PIGR: variants seen among roughly 807,000 people sequenced by gnomAD.
PIGR encodes the protein hepatocellular carcinoma associated protein TB6.
A neutral mutation model predicts 69.5 loss-of-function variants in PIGR; 22 were observed. The observed-to-expected ratio is 0.32, with a 90% confidence interval of 0.23 to 0.45. PIGR has a LOEUF of 0.45. Ranked by LOEUF, PIGR falls within the 20% of genes least tolerant of loss-of-function variation. The pLI, the probability that PIGR is intolerant of heterozygous loss-of-function variation, is 1.00. For missense variants in PIGR, 885 were observed against 974.0 expected, an observed-to-expected ratio of 0.91 and a Z score of 1.22; for synonymous variants, 413 against 407.6, an observed-to-expected ratio of 1.01 and a Z score of -0.16.
At chr1:206,944,491 A>T (rs1254330373) in intron 1 of PIGR, among the ~76,000 whole-genome samples, 2 of 152,124 alleles carry the variant, frequency 1.3e-5, no homozygotes, top group African/African-American at 4.8e-5. Flanking sequence ...AAAAAATTAA[A>T]AAATGAAGAG....
chr1:206,944,842 T>C (rs1343410028), intron 1 of PIGR, among the ~76,000 whole-genome samples: 1 of 152,190 alleles, frequency 6.6e-6, no homozygotes, highest in East Asian at 1.9e-4. Context: ...AACCTCATCG[T>C]TCAAACTTGC....
rs1420184474 is a variant in PIGR, at chr1:206,937,115, C to T, written c.1025G>A (p.Trp342Ter). 1.9e-6 allele frequency: 3 copies of T among 1,602,428 alleles called. No individual in the cohort carries two copies. Among genetic ancestry groups the T allele is most frequent in the South Asian group, 1.1e-5 (1 of 88,816 alleles). The change falls in exon 4 of 11, where the codon TGG becomes TAG. Residue 342 changes from tryptophan to a stop codon, truncating the protein, a stop_gained. Transcript: ENST00000356495. LOFTEE classifies it high-confidence loss of function. ...QLQEGSPIQA[W>*]QLFVNEESTI... ...CTTACCCTCATTGACGAAGAGTTGC[C>T]AGGCCTGGATAGGCGAGCCTTCCTG...
intron 5 of PIGR, 137 bp from the exon 6 acceptor site, chr1:206,934,883 A>G (rs291104): frequency 0.1 from 56,853 of 544,616 alleles, 12,400 homozygotes; most frequent in African/African-American, 0.65. Context: ...TTTTGAGACA[A>G]GGTCTCTCTC....
At chr1:206,931,194 C>T (rs568305383) in intron 10 of PIGR, 2 of 985,460 alleles carry the variant, frequency 2.0e-6, no homozygotes, top group South Asian at 4.7e-5. Context: ...CAGCATTTGG[C>T]ATTGTAGCTT....
Position 206,931,784 on chromosome 1 carries a change from C to G in PIGR, c.2027G>C (p.Ser676Thr). The change falls in exon 9 of 11, where the codon AGC (serine) becomes ACC (threonine). Residue 676 changes from serine to threonine, a missense_variant. Ser to Thr is a moderately conservative substitution (Grantham distance 58). Transcript: ENST00000356495. Reference sequence around the variant, plus strand: ...TGACATGCTAATGTCTGTCCTGTAGCTTCTGATTGAAACTCGGTCTGTCCG... The same window carrying G: ...TGACATGCTAATGTCTGTCCTGTAGGTTCTGATTGAAACTCGGTCTGTCCG... The part of the protein sequence containing the change: ...RKNVDRVSIR[S>T]YRTDISMSDF... 1 of 1,614,134 alleles carries G rather than the reference C, an allele frequency of 6.2e-7. No individual in the cohort carries two copies.
At chr1:206,941,893 G>T (rs1352747454) in intron 1 of PIGR, among the ~76,000 whole-genome samples, 1 of 152,200 alleles carries the variant, frequency 6.6e-6, no homozygotes, top group East Asian at 1.9e-4. Flanking sequence ...CGTAAGTTTG[G>T]GCAGTAATGA....
chr1:206,938,083 C>T (rs1458181570), intron 3 of PIGR, among the ~76,000 whole-genome samples: 1 of 152,244 alleles, frequency 6.6e-6, no homozygotes, highest in African/African-American at 2.4e-5. Flanking sequence ...TTTGACCCCT[C>T]TGCTGTGACA....
At position 206,931,123 on chromosome 1, in the gene PIGR, G is replaced by T. The variant is rs1679730900; in HGVS notation, c.2199+374C>A. On this transcript the variant is annotated intron_variant, in intron 10 of 10. Coordinates refer to ENST00000356495, the MANE Select transcript of PIGR (RefSeq NM_002644.4). ...GCTGGTCCTGAGCAAACCCTCAAGG[G>T]AGGATGTGTGGCCTGAGGTCCTTGG... is the stretch of plus-strand genomic sequence containing the variant. The T allele has an allele frequency of 6.1e-6, 6 of 985,306 alleles. No individual in the cohort carries two copies. The South Asian group carries it at 2.8e-4, about 46-fold the overall frequency. The allele number at this position is 985,306 out of a possible 1,614,324, so 61.0% of individuals were successfully genotyped here. A position where few individuals can be genotyped will look rare whatever the true frequency, so the allele number is the denominator to read the frequency against.
rs1679714544 is a variant in PIGR, at chr1:206,930,436, T to A, written c.2200-23A>T. The stretch of plus-strand genomic sequence containing the variant: ...TGACTAAGGGGCAAGAGGAGAGGCA[T>A]CAGTGTTGGGGGCACTGGCTCAGTG... On this transcript the variant is annotated intron_variant, in intron 10 of 10. Transcript: ENST00000356495. This position sits in a 1 kb window ranked among gnomAD's most constrained non-coding sequence, Gnocchi z 4.3. The A allele has an allele frequency of 6.2e-7, 1 of 1,609,660 alleles. No homozygotes were observed. Among genetic ancestry groups the A allele is most frequent in the Non-Finnish European group, 8.5e-7 (1 of 1,178,008 alleles).
chr1:206,943,870 A>T (rs548378026), intron 1 of PIGR, among the ~76,000 whole-genome samples: 1 of 152,200 alleles, frequency 6.6e-6, no homozygotes, highest in Admixed American at 6.5e-5. Flanking sequence ...GGTGCTTTAC[A>T]TGTGTTAATG....
rs375888339 is a variant in PIGR, at chr1:206,934,405, T to A, written c.1705+15A>T. 36 of 1,608,292 alleles carry A rather than the reference T, an allele frequency of 2.2e-5. No homozygotes were observed. The highest frequency in any genetic ancestry group is 2.9e-5 in the Non-Finnish European group (34 of 1,176,652). On this transcript the variant is annotated intron_variant, in intron 6 of 10. Transcript: ENST00000356495. Reference sequence around the variant, plus strand: ...CTGGGTCTGAGGGGTGCAGGCCCTGTCCTTGGAGACTCACCCGCTGCCTTC... The same window carrying A: ...CTGGGTCTGAGGGGTGCAGGCCCTGACCTTGGAGACTCACCCGCTGCCTTC...
chr1:206,941,675 T>A (rs1020548230), intron 1 of PIGR, among the ~76,000 whole-genome samples: 5 of 152,214 alleles, frequency 3.3e-5, no homozygotes, highest in African/African-American at 1.2e-4. Flanking sequence ...ATGAGACCAC[T>A]CAGACGGAGC....
Position 206,931,534 on chromosome 1 carries a change from C to T in PIGR, c.2162G>A (p.Ser721Asn). Residue 721 changes from serine to asparagine, a missense_variant, in exon 10 of 11, where the codon AGC (serine) becomes AAC (asparagine). Physicochemically the swap from Ser to Asn is conservative, Grantham distance 46. Transcript: ENST00000356495. ...GKEEFVATTE[S>N]TTETKEPKKA... ...CTTGGGTTCTTTGGTCTCTGTGGTG[C>T]TCTCAGTGGTGGCAACAAACTCTGT... The T allele has an allele frequency of 6.2e-7, 1 of 1,614,086 alleles. No individual in the cohort carries two copies. Among genetic ancestry groups the T allele is most frequent in the Non-Finnish European group, 8.5e-7 (1 of 1,180,004 alleles).
At position 206,933,078 on chromosome 1, in the gene PIGR, GGC is replaced by G. The variant is rs1228579032; in HGVS notation, c.1792_1793del (p.Ala598HisfsTer33). ...DSGFREIENK[A>X]IQDPRLFAEE... ...CTGCAAAAAGCCTGGGATCCTGAATGGCTTTGTTCTCAATCTCCCGAAAACCA... is the reference window on the plus strand; with the variant it reads ...CTGCAAAAAGCCTGGGATCCTGAATGTTTGTTCTCAATCTCCCGAAAACCA... On this transcript the variant is annotated frameshift_variant, in exon 7 of 11. Transcript: ENST00000356495. LOFTEE classifies it high-confidence loss of function. 1 of 1,614,190 alleles carries G rather than the reference GGC, an allele frequency of 6.2e-7. No homozygotes were observed. The highest frequency in any genetic ancestry group is 8.5e-7 in the Non-Finnish European group (1 of 1,180,028).
intron 2 of PIGR, 102 bp downstream of exon 2, chr1:206,940,387 C>A (rs1679958084): frequency 8.9e-7 from 1 of 1,121,856 alleles, no homozygotes; most frequent in South Asian, 1.5e-5. Flanking sequence ...AGAGGGACAT[C>A]CCTGGGGATG....
Position 206,936,769 on chromosome 1 carries a change from C to A in PIGR, c.1045+326G>T, listed in dbSNP as rs931021324. On this transcript the variant is annotated intron_variant, in intron 4 of 10. Transcript: ENST00000356495. ...GGGGCCAGGGGAGGGGACAGAGGACCCCTGCAGAGCCTGCCACAGCCCTGA... is the reference window on the plus strand; with the variant it reads ...GGGGCCAGGGGAGGGGACAGAGGACACCTGCAGAGCCTGCCACAGCCCTGA... 2.0e-5 allele frequency among the ~76,000 whole-genome samples: 3 copies of A among 152,122 alleles called. No homozygotes were observed. In the East Asian group the frequency reaches 5.8e-4, roughly 29 times the overall value.
chr1:206,933,581 A>C (rs560674455), intron 6 of PIGR, among the ~76,000 whole-genome samples: 1 of 152,318 alleles, frequency 6.6e-6, no homozygotes, highest in South Asian at 2.1e-4. Flanking sequence ...CAGACCCAAT[A>C]GGATTTCTTG....
chr1:206,939,568 C>A, intron 2 of PIGR, 105 bp from the exon 3 acceptor site: 1 of 692,576 alleles, frequency 1.4e-6, no homozygotes, highest in Non-Finnish European at 2.5e-6. Context: ...CACGTAGGCC[C>A]TGTGTTGATA....
intron 1 of PIGR, among the ~76,000 whole-genome samples, chr1:206,944,496 G>T (rs1181106893): frequency 6.6e-6 from 1 of 152,056 alleles, no homozygotes; most frequent in Non-Finnish European, 1.5e-5. Flanking sequence ...ATTAAAAAAT[G>T]AAGAGACACC....
Sources: gnomAD v4.1 joint callset for allele counts (sites outside exome capture counted in the v4.1 genomes callset) on GRCh38, gnomAD v4.1.1 for gene constraint, Gnocchi (gnomAD v3.1) non-coding constraint, MANE v1.5 for transcripts, NCBI Gene and HGNC (gene_info 2026-07-23, HGNC 2026-07-21) for gene names.